TELO2: variants seen among roughly 807,000 people sequenced by gnomAD.
TELO2 encodes the protein telomere maintenance 2.
TELO2 carries 71 observed loss-of-function variants against 91.0 expected under a neutral mutation model. That is an observed-to-expected ratio of 0.78 (90% CI 0.64 to 0.95). The LOEUF is 0.95. Among genes scored for constraint, TELO2 ranks in the 40% least tolerant of loss-of-function variants. TELO2 has a pLI of 0.00. For synonymous variants in TELO2, 584 were observed against 518.9 expected, an observed-to-expected ratio of 1.13 and a Z score of -1.71; for missense variants, 1,183 against 1,141.3, an observed-to-expected ratio of 1.04 and a Z score of -0.53.
chr16:1,501,389 G>A (rs371662118), intron 9 of TELO2, 31 bp from the exon 10 acceptor site: 59 of 1,605,258 alleles, frequency 3.7e-5, no homozygotes, highest in African/African-American at 5.3e-5. Flanking sequence ...GCAGCCTGGC[G>A]GATGCCGCTG....
chr16:1,509,679 G>A (rs1044544723), intron 20 of TELO2, 151 bp from the exon 21 acceptor site: 16 of 678,584 alleles, frequency 2.4e-5, no homozygotes, highest in Admixed American at 1.0e-4. Flanking sequence ...CCCCAAGGCC[G>A]TGGGGAGAGT....
rs544079080 is a variant in TELO2 at position 1,497,550 on chromosome 16, G to T, written c.830+42G>T. The stretch of plus-strand genomic sequence containing the variant: ...TCCTCCAGCTGCACTGGCTTCTGGG[G>T]TCTGGACCCCCAGAGGCTGCCATTC... On this transcript the variant is annotated intron_variant, in intron 5 of 20. Transcript: ENST00000262319. The surrounding 1 kb of genome is among the most constrained non-coding windows in gnomAD (Gnocchi z 4.0). 4.6e-6 allele frequency: 7 copies of T among 1,513,390 alleles called. No individual in the cohort carries two copies. In the Middle Eastern group the frequency reaches 5.1e-4, roughly 110 times the overall value. 93.7% of individuals were successfully genotyped at this position (1,513,390 alleles called of 1,614,324 possible). A position where few individuals can be genotyped will look rare whatever the true frequency, so the allele number is the denominator to read the frequency against.
chr16:1,497,120 C>G lies in TELO2; in HGVS notation c.682+16C>G. On this transcript the variant is annotated intron_variant, in intron 4 of 20. Coordinates refer to ENST00000262319, the MANE Select transcript of TELO2 (RefSeq NM_016111.4). This position sits in a 1 kb window ranked among gnomAD's most constrained non-coding sequence, Gnocchi z 4.0. ...GGGAGGCAGCGTGAGTAGAGCAGTG[C>G]CTTCCTGCCCATCCTGCCCCGACCC... 3.7e-6 allele frequency: 6 copies of G among 1,613,722 alleles called. No individual in the cohort carries two copies. Among genetic ancestry groups the G allele is most frequent in the Non-Finnish European group, 5.1e-6 (6 of 1,179,828 alleles).
rs1261734094 is a variant in TELO2, at chr16:1,502,651, G to A, written c.1660G>A (p.Val554Met). ...RSPTATREVS[V>M]ELAKVLLHLE... ...CCCTAACCCCTGCGTGCAGGTGAGCGTGGAGCTGGCCAAGGTGCTTCTGCA... is the reference window on the plus strand; with the variant it reads ...CCCTAACCCCTGCGTGCAGGTGAGCATGGAGCTGGCCAAGGTGCTTCTGCA... The change falls in exon 14 of 21, where the codon GTG (valine) becomes ATG (methionine). Residue 554 changes from valine (V) to methionine (M), a missense_variant. By Grantham distance (21) the Val-to-Met change is conservative (BLOSUM62 1). Transcript: ENST00000262319. 3.7e-6 allele frequency: 6 copies of A among 1,611,422 alleles called. No individual in the cohort carries two copies. Among genetic ancestry groups the A allele is most frequent in the Admixed American group, 1.7e-5 (1 of 60,000 alleles).
In TELO2 at chr16:1,500,466, G is replaced by C. The variant is rs571493142; in HGVS notation, c.1122G>C (p.Pro374=). The part of the protein sequence containing the change: ...VLICLAQLGE[P]ELRDSRDELL... ...TCTGCCTGGCGCAACTCGGGGAGCC[G>C]GAACTGCGGGACAGCCGGGATGGTG... The change falls in exon 8 of 21, where the codon CCG becomes CCC. Residue 374 remains proline, a synonymous_variant. Transcript: ENST00000262319. The C allele has an allele frequency of 2.5e-6, 4 of 1,610,708 alleles. No homozygotes were observed. The highest frequency in any genetic ancestry group is 3.4e-6 in the Non-Finnish European group (4 of 1,179,332).
intron 3 of TELO2, among the ~76,000 whole-genome samples, chr16:1,496,009 C>T (rs777289163): frequency 6.6e-6 from 1 of 152,246 alleles, no homozygotes; most frequent in African/African-American, 2.4e-5. Flanking sequence ...CATGCTCGCT[C>T]TGTTTTCCCT....
At chr16:1,508,067 G>T (rs1335259507) in intron 20 of TELO2, among the ~76,000 whole-genome samples, 1 of 152,130 alleles carries the variant, frequency 6.6e-6, no homozygotes, top group Non-Finnish European at 1.5e-5. Context: ...GACCCTGTTG[G>T]GGTCCCTCTG....
Position 1,505,228 on chromosome 16 carries a change from G to C in TELO2, c.1843-182G>C. The C allele has an allele frequency of 1.5e-6, 1 of 667,252 alleles. No individual in the cohort carries two copies. Among genetic ancestry groups the C allele is most frequent in the Non-Finnish European group, 2.5e-6 (1 of 406,090 alleles). The allele number at this position is 667,252 out of a possible 1,614,324, so 41.3% of individuals were successfully genotyped here. On this transcript the variant is annotated intron_variant, in intron 15 of 20. Coordinates refer to ENST00000262319, the MANE Select transcript of TELO2 (RefSeq NM_016111.4). This position sits in a 1 kb window ranked among gnomAD's most constrained non-coding sequence, Gnocchi z 4.3. ...CGGTGCCCACCTTCCCCACCTTCCCGCCTACCAAGGCGCGGTTGCTGTGAG... is the reference window on the plus strand; with the variant it reads ...CGGTGCCCACCTTCCCCACCTTCCCCCCTACCAAGGCGCGGTTGCTGTGAG...
At position 1,510,142 on chromosome 16, in the gene TELO2, G is replaced by A. The variant is rs966650474; in HGVS notation, c.*206G>A. The stretch of plus-strand genomic sequence containing the variant: ...AATACACTGGGCCTGGGCACTGCCC[G>A]CCGGGACATGGCAGCCTGGACGTGG... On this transcript the variant is annotated 3_prime_UTR_variant, in exon 21 of 21. Coordinates refer to ENST00000262319, the MANE Select transcript of TELO2 (RefSeq NM_016111.4). 8.5e-5 allele frequency: 48 copies of A among 567,028 alleles called. No homozygotes were observed. Among genetic ancestry groups the A allele is most frequent in the Non-Finnish European group, 1.0e-4 (32 of 317,472 alleles). 35.1% of individuals were successfully genotyped at this position (567,028 alleles called of 1,614,324 possible).
In TELO2 at chr16:1,494,802, G is replaced by C. The variant is rs2039419059; in HGVS notation, c.335+186G>C. On this transcript the variant is annotated intron_variant, in intron 2 of 20. Transcript: ENST00000262319. This position sits in a 1 kb window ranked among gnomAD's most constrained non-coding sequence, Gnocchi z 5.6. ...TCCTTTGCGACGGGAGGCACCTGCT[G>C]TGTCTCACAAAGTCCCCCACTTGCT... 6.6e-6 allele frequency among the ~76,000 whole-genome samples: 1 copy of C among 152,220 alleles called. No homozygotes were observed. Among genetic ancestry groups the C allele is most frequent in the South Asian group, 2.1e-4 (1 of 4,830 alleles).
chr16:1,501,341 G>A, intron 9 of TELO2, 79 bp from the exon 10 acceptor site: 1 of 1,481,770 alleles, frequency 6.7e-7, no homozygotes, highest in Non-Finnish European at 9.2e-7. Context: ...GCCACAGTGG[G>A]GAGTGGCTCC....
At position 1,501,475 on chromosome 16, in the gene TELO2, C is replaced by A; in HGVS notation, c.1337C>A (p.Ala446Glu). 4 of 1,610,592 alleles carry A rather than the reference C, an allele frequency of 2.5e-6. No homozygotes were observed. The highest frequency in any genetic ancestry group is 3.4e-6 in the Non-Finnish European group (4 of 1,178,686). Residue 446 changes from alanine to glutamate, a missense_variant, in exon 10 of 21, where the codon GCG becomes GAG. Transcript: ENST00000262319. ...ELLALASPQP[A>E]GDGASEAGTS... ...CTGGCCTTGGCCTCCCCCCAGCCTG[C>A]GGGTGACGGCGCCTCGGAGGCGGGG...
chr16:1,501,279 A>G lies in TELO2; in HGVS notation c.1282-141A>G, dbSNP rs1384903551. 19 of 845,640 alleles carry G rather than the reference A, an allele frequency of 2.2e-5. No homozygotes were observed. The East Asian group carries it at 4.3e-4, about 19-fold the overall frequency. 52.4% of individuals were successfully genotyped at this position (845,640 alleles called of 1,614,324 possible). A position where few individuals can be genotyped will look rare whatever the true frequency, so the allele number is the denominator to read the frequency against. On this transcript the variant is annotated intron_variant, in intron 9 of 20. Transcript: ENST00000262319. ...ATCTTAGAAAGTCGCTTTTAAAAAG[A>G]CACCTGGCTATCCAGGGCCCAGCCA...
rs911321782 is a variant in TELO2 at position 1,494,700 on chromosome 16, C to G, written c.335+84C>G. ...TTGAAGGACTGGACCAAGAGCCTCT[C>G]TAGTCCCTGTGAGGGGCTAGAGAGA... On this transcript the variant is annotated intron_variant, in intron 2 of 20. Transcript: ENST00000262319. This position sits in a 1 kb window ranked among gnomAD's most constrained non-coding sequence, Gnocchi z 5.6. 11 of 1,393,720 alleles carry G rather than the reference C, an allele frequency of 7.9e-6. No individual in the cohort carries two copies. Among genetic ancestry groups the G allele is most frequent in the Non-Finnish European group, 1.1e-5 (11 of 1,037,844 alleles). The allele number at this position is 1,393,720 out of a possible 1,614,324, so 86.3% of individuals were successfully genotyped here. A position where few individuals can be genotyped will look rare whatever the true frequency, so the allele number is the denominator to read the frequency against.
intron 5 of TELO2, among the ~76,000 whole-genome samples, chr16:1,498,084 G>T (rs1040262694): frequency 1.3e-5 from 2 of 150,630 alleles, no homozygotes; most frequent in Admixed American, 6.6e-5. Context: ...CGGTGCAATC[G>T]GCTCACTGCA....
In TELO2 at chr16:1,494,637, C is replaced by T. The variant is rs1186526369; in HGVS notation, c.335+21C>T. ...GCGGGGTGAGTGGGCTGGGCCCATC[C>T]TGGGGTTGCCGGTAGCCTCAGAAGT... is the stretch of plus-strand genomic sequence containing the variant. On this transcript the variant is annotated intron_variant, in intron 2 of 20. Coordinates refer to ENST00000262319, the MANE Select transcript of TELO2 (RefSeq NM_016111.4). This position sits in a 1 kb window ranked among gnomAD's most constrained non-coding sequence, Gnocchi z 5.6. 1.3e-6 allele frequency: 2 copies of T among 1,599,012 alleles called. No individual in the cohort carries two copies. The highest frequency in any genetic ancestry group is 1.3e-5 in the African/African-American group (1 of 74,630).
rs2039871961 is a variant in TELO2, at chr16:1,505,752, A to G, written c.2034+151A>G. The G allele has an allele frequency of 7.1e-6, 8 of 1,122,678 alleles. No individual in the cohort carries two copies. The highest frequency in any genetic ancestry group is 6.3e-5 in the South Asian group (4 of 63,840). 69.5% of individuals were successfully genotyped at this position (1,122,678 alleles called of 1,614,324 possible). A position where few individuals can be genotyped will look rare whatever the true frequency, so the allele number is the denominator to read the frequency against. On this transcript the variant is annotated intron_variant, in intron 16 of 20. Coordinates refer to ENST00000262319, the MANE Select transcript of TELO2 (RefSeq NM_016111.4). This position sits in a 1 kb window ranked among gnomAD's most constrained non-coding sequence, Gnocchi z 4.3. ...CCGGGATTCCTGAAAGGCAGGGTCC[A>G]TGGTTTGCACCGAGGAACTGGATTT...
chr16:1,497,840 C>T lies in TELO2; in HGVS notation c.830+332C>T, dbSNP rs900548769. Among the ~76,000 whole-genome samples, 1 of 152,054 alleles carries T rather than the reference C, an allele frequency of 6.6e-6. No individual in the cohort carries two copies. Among genetic ancestry groups the T allele is most frequent in the Non-Finnish European group, 1.5e-5 (1 of 68,006 alleles). ...GTCCAGGCTCTGACATGGTGATGGG[C>T]GGTGACTCACTTCCCCACGTCTTTG... is the stretch of plus-strand genomic sequence containing the variant. On this transcript the variant is annotated intron_variant, in intron 5 of 20. Coordinates refer to ENST00000262319, the MANE Select transcript of TELO2 (RefSeq NM_016111.4). This position sits in a 1 kb window ranked among gnomAD's most constrained non-coding sequence, Gnocchi z 4.0.
At chr16:1,500,247 G>A (rs1162160017) in intron 7 of TELO2, 83 bp downstream of exon 7, 8 of 1,530,466 alleles carry the variant, frequency 5.2e-6, no homozygotes, top group Middle Eastern at 2.3e-4. Flanking sequence ...GCAGGGTGAG[G>A]CTGGCTGGGC....
Sources: gnomAD v4.1 joint callset for allele counts (sites outside exome capture counted in the v4.1 genomes callset) on GRCh38, gnomAD v4.1.1 for gene constraint, Gnocchi (gnomAD v3.1) non-coding constraint, MANE v1.5 for transcripts, NCBI Gene and HGNC (gene_info 2026-07-23, HGNC 2026-07-21) for gene names.